TRDN: variants seen among roughly 807,000 people sequenced by gnomAD.
TRDN encodes triadin in skeletal muscle.
Under a neutral mutation model 149.7 loss-of-function variants are expected in TRDN, and 161 were observed. That is an observed-to-expected ratio of 1.08 (90% CI 0.95 to 1.23). The LOEUF is 1.23. Among genes scored for constraint, TRDN ranks in the 50% most tolerant of loss-of-function variants. TRDN has a pLI of 0.00. For synonymous variants in TRDN, 294 were observed against 250.5 expected, an observed-to-expected ratio of 1.17 and a Z score of -1.64; for missense variants, 896 against 823.5, an observed-to-expected ratio of 1.09 and a Z score of -1.08.
chr6:123,411,765 G>A (rs2114515287), intron 12 of TRDN: 1 of 152,166 alleles, frequency 6.6e-6, no homozygotes, highest in Middle Eastern at 3.4e-3. Flanking sequence ...TCTGAAAATG[G>A]ATTTTATGGA....
At chr6:123,544,906 A>C (rs1288834876) in intron 4 of TRDN, among the ~76,000 whole-genome samples, 2 of 152,008 alleles carry the variant, frequency 1.3e-5, no homozygotes, top group Non-Finnish European at 2.9e-5. Flanking sequence ...AATAATCAAT[A>C]CTGCAACCCT....
chr6:123,503,390 A>C (rs1028747626), intron 8 of TRDN: 1 of 985,224 alleles, frequency 1.0e-6, no homozygotes, highest in Non-Finnish European at 1.2e-6. Flanking sequence ...TGACACATAC[A>C]ATCTTTATTC....
chr6:123,601,612 A>G (rs1169774296), intron 1 of TRDN, among the ~76,000 whole-genome samples: 1 of 152,076 alleles, frequency 6.6e-6, no homozygotes, highest in African/African-American at 2.4e-5. Context: ...GCTACACCAG[A>G]GCTCAGTGTT....
At chr6:123,628,805 T>C (rs1302410250) in intron 1 of TRDN, among the ~76,000 whole-genome samples, 1 of 152,086 alleles carries the variant, frequency 6.6e-6, no homozygotes, top group Non-Finnish European at 1.5e-5. Flanking sequence ...GGCATTCAAT[T>C]TGGTACGTAA....
chr6:123,499,719 A>AAAAT lies in TRDN; in HGVS notation c.794-2468_794-2467insATTT. Among the ~76,000 whole-genome samples, 77 of 47,676 alleles carry AAAAT rather than the reference A, an allele frequency of 1.6e-3. 3 individuals are homozygous for AAAAT. Among genetic ancestry groups the AAAAT allele is most frequent in the Non-Finnish European group, 2.6e-3 (59 of 22,306 alleles). 31.3% of individuals were successfully genotyped at this position (47,676 alleles called of 152,430 possible). A position where few individuals can be genotyped will look rare whatever the true frequency, so the allele number is the denominator to read the frequency against. ...ATTCTGGCTCAAAAAAAAAAAAAAA[A>AAAAT]ATATATATATATATATATATATATA... On this transcript the variant is annotated intron_variant, in intron 8 of 40. Transcript: ENST00000334268.
intron 4 of TRDN, among the ~76,000 whole-genome samples, chr6:123,534,326 T>C (rs555813035): frequency 6.6e-6 from 1 of 152,314 alleles, no homozygotes; most frequent in South Asian, 2.1e-4. Context: ...TTTCTGATGA[T>C]TCAGACTTAA....
chr6:123,534,120 A>T (rs1170606322), intron 4 of TRDN, among the ~76,000 whole-genome samples: 1 of 152,106 alleles, frequency 6.6e-6, no homozygotes. Flanking sequence ...AAAAAGATAC[A>T]CACACAGTAA....
chr6:123,309,243 G>A (rs986082423), intron 24 of TRDN, among the ~76,000 whole-genome samples: 1 of 151,688 alleles, frequency 6.6e-6, no homozygotes, highest in African/African-American at 2.4e-5. Flanking sequence ...TCTTCTTATG[G>A]CTGTATCCTA....
intron 10 of TRDN, chr6:123,439,529 T>C (rs1337304470): frequency 6.6e-6 from 1 of 152,250 alleles, no homozygotes; most frequent in African/African-American, 2.4e-5. Flanking sequence ...TGTCTGGCAG[T>C]GTGTTGGAAA....
intron 21 of TRDN, chr6:123,350,089 T>A: frequency 1.0e-6 from 1 of 977,758 alleles, no homozygotes; most frequent in Non-Finnish European, 1.2e-6. Context: ...ATCAACAGGC[T>A]CCAACTTTAT....
Position 123,388,552 on chromosome 6 carries a change from C to A in TRDN, c.1106-1G>T, listed in dbSNP as rs969164356. 14 of 1,584,252 alleles carry A rather than the reference C, an allele frequency of 8.8e-6. No homozygotes were observed. The highest frequency in any genetic ancestry group is 1.2e-5 in the Non-Finnish European group (14 of 1,163,036). On this transcript the variant is annotated splice_acceptor_variant, in intron 13 of 40. Transcript: ENST00000334268. LOFTEE classifies it high-confidence loss of function. ...TTCTTTTCATCCTTCTTAGCTGCTG[C>A]TGAAGTAATGAAAATAGCGTTAAGG... is the stretch of plus-strand genomic sequence containing the variant.
intron 12 of TRDN, among the ~76,000 whole-genome samples, chr6:123,421,303 C>A (rs1773887838): frequency 6.6e-6 from 1 of 152,120 alleles, no homozygotes; most frequent in African/African-American, 2.4e-5. Flanking sequence ...TTTCTAACTA[C>A]TATTTCTCTT....
At chr6:123,557,693 T>C (rs1162447102) in intron 2 of TRDN, among the ~76,000 whole-genome samples, 1 of 152,080 alleles carries the variant, frequency 6.6e-6, no homozygotes, top group South Asian at 2.1e-4. Flanking sequence ...TGGGAACGCC[T>C]GTCTTGGTCC....
intron 4 of TRDN, among the ~76,000 whole-genome samples, chr6:123,539,796 C>T (rs1332064419): frequency 6.6e-6 from 1 of 152,146 alleles, no homozygotes; most frequent in African/African-American, 2.4e-5. Flanking sequence ...TGCAGTTATT[C>T]ATTTATCTTT....
chr6:123,624,398 G>C (rs192533978), intron 1 of TRDN, among the ~76,000 whole-genome samples: 1 of 152,038 alleles, frequency 6.6e-6, no homozygotes, highest in Non-Finnish European at 1.5e-5. Flanking sequence ...TAATTCAAGA[G>C]GTAGCCAAAA....
intron 9 of TRDN, among the ~76,000 whole-genome samples, chr6:123,493,563 G>A (rs1469884194): frequency 2.0e-5 from 3 of 152,102 alleles, no homozygotes; most frequent in South Asian, 2.1e-4. Flanking sequence ...ACTTTTGAGG[G>A]TGTGACAGTA....
chr6:123,272,906 T>A, intron 29 of TRDN, 58 bp downstream of exon 29: 1 of 1,237,232 alleles, frequency 8.1e-7, no homozygotes, highest in Non-Finnish European at 1.1e-6. Flanking sequence ...CTCTTCCTTC[T>A]GCTAAAATTA....
chr6:123,246,626 A>G (rs1776191980), intron 38 of TRDN, among the ~76,000 whole-genome samples: 1 of 152,126 alleles, frequency 6.6e-6, no homozygotes, highest in Non-Finnish European at 1.5e-5. Flanking sequence ...GCCCACGAGC[A>G]GATGGATTCA....
At chr6:123,234,604 T>C (rs886885379) in intron 38 of TRDN, among the ~76,000 whole-genome samples, 1 of 152,092 alleles carries the variant, frequency 6.6e-6, no homozygotes, top group African/African-American at 2.4e-5. Context: ...AGAAAGGCAA[T>C]AATCTTGGTT....
Sources: allele counts gnomAD v4.1 joint callset (sites outside exome capture counted in the v4.1 genomes callset), GRCh38; gene constraint gnomAD v4.1.1; transcripts MANE v1.5; gene names NCBI Gene and HGNC (gene_info 2026-07-23, HGNC 2026-07-21).